Variants in ARHGAP32 observed in about 807,000 individuals in gnomAD.
ARHGAP32 encodes Rho GTPase activating protein 32.
In ARHGAP32, 51 loss-of-function variants were observed where a neutral mutation model predicts 186.5. The ratio of observed to expected loss-of-function variants is 0.27; its 90% CI spans 0.22 to 0.35. The LOEUF (loss-of-function observed/expected upper bound fraction) is 0.35, where lower values mean the gene tolerates loss of function less well. ARHGAP32 is among the 10% of genes least tolerant of loss of function. ARHGAP32 has a pLI of 1.00. For missense variants in ARHGAP32, 2,186 were observed against 2,623.5 expected (o/e 0.83, Z 3.64); for synonymous variants, 950 against 964.3 (o/e 0.99, Z 0.27).
intron 1 of ARHGAP32, among the ~76,000 whole-genome samples, chr11:129,269,828 C>T (rs185272499): frequency 2.5e-4 from 38 of 152,210 alleles, no homozygotes; most frequent in Admixed American, 1.2e-3. Context: ...TACCACACAC[C>T]CATAAGTATG....
In ARHGAP32 at chr11:129,192,077, A is replaced by C. The variant is rs535139281; in HGVS notation, c.116+6T>G. The C allele has an allele frequency of 6.2e-7, 1 of 1,604,236 alleles. No homozygotes were observed. The highest frequency in any genetic ancestry group is 1.7e-5 in the Admixed American group (1 of 59,988). On this transcript the variant is annotated splice_donor_region_variant and intron_variant, in intron 1 of 22. Coordinates refer to ENST00000682385, the MANE Select transcript of ARHGAP32 (RefSeq NM_001378024.1). Reference sequence around the variant, plus strand: ...AGGACAAAGGAACTGTGAATTCCATAATCACCTGAACTTCTCTTCCCTTTC... The same window carrying C: ...AGGACAAAGGAACTGTGAATTCCATCATCACCTGAACTTCTCTTCCCTTTC...
intron 1 of ARHGAP32, among the ~76,000 whole-genome samples, chr11:129,276,014 G>A (rs933120247): frequency 6.6e-6 from 1 of 152,234 alleles, no homozygotes; most frequent in African/African-American, 2.4e-5. Flanking sequence ...CCTTGGCACA[G>A]GCCAGTAGTC....
intron 12 of ARHGAP32, among the ~76,000 whole-genome samples, chr11:128,994,299 C>A (rs1946142261): frequency 6.6e-6 from 1 of 152,022 alleles, no homozygotes; most frequent in African/African-American, 2.4e-5. Flanking sequence ...GGATTACAGG[C>A]ATGCACCACC....
chr11:128,975,583 G>T (rs1945519545), intron 20 of ARHGAP32, among the ~76,000 whole-genome samples: 1 of 151,744 alleles, frequency 6.6e-6, no homozygotes, highest in Non-Finnish European at 1.5e-5. Context: ...TTTTCTTTAA[G>T]AATAGGTTTT....
At chr11:129,145,468 C>A (rs1462337659) in intron 2 of ARHGAP32, among the ~76,000 whole-genome samples, 2 of 142,016 alleles carry the variant, frequency 1.4e-5, no homozygotes, top group Non-Finnish European at 3.2e-5. Context: ...CCATGACACT[C>A]CAAGTAAGAC....
At chr11:129,064,693 A>G in intron 8 of ARHGAP32, 148 bp downstream of exon 8, 2 of 581,918 alleles carry the variant, frequency 3.4e-6, no homozygotes, top group Non-Finnish European at 3.1e-6. Context: ...TATTTCGTGT[A>G]TCACGTATCT....
At chr11:129,045,434 A>G (rs1453941316) in intron 10 of ARHGAP32, among the ~76,000 whole-genome samples, 1 of 152,230 alleles carries the variant, frequency 6.6e-6, no homozygotes, top group Non-Finnish European at 1.5e-5. Flanking sequence ...GAGTCTTTTA[A>G]AAGAGTCAGT....
intron 1 of ARHGAP32, among the ~76,000 whole-genome samples, chr11:129,179,234 C>A (rs1201177928): frequency 1.3e-5 from 2 of 152,158 alleles, no homozygotes; most frequent in African/African-American, 4.8e-5. Context: ...CAAATCAAAA[C>A]CACAGTGAGA....
At chr11:129,028,855 G>C (rs1247448596) in intron 11 of ARHGAP32, among the ~76,000 whole-genome samples, 1 of 152,120 alleles carries the variant, frequency 6.6e-6, no homozygotes, top group Non-Finnish European at 1.5e-5. Context: ...AATGGGGAAG[G>C]CATTTCAGGG....
At chr11:129,191,314 G>A (rs573511198) in intron 1 of ARHGAP32, among the ~76,000 whole-genome samples, 3 of 92,348 alleles carry the variant, frequency 3.2e-5, no homozygotes, top group South Asian at 3.0e-4. Context: ...GTATTACATC[G>A]CTAACTCTGA....
intron 1 of ARHGAP32, among the ~76,000 whole-genome samples, chr11:129,261,358 T>C (rs896013988): frequency 1.3e-5 from 2 of 152,210 alleles, no homozygotes; most frequent in African/African-American, 4.8e-5. Flanking sequence ...AATTTATTTT[T>C]TTCTGCTTTT....
chr11:129,173,483 T>C (rs1032071041), intron 1 of ARHGAP32, among the ~76,000 whole-genome samples: 3 of 152,160 alleles, frequency 2.0e-5, no homozygotes, highest in African/African-American at 4.8e-5. Flanking sequence ...GCCAGCATCA[T>C]CCTGATACCA....
At chr11:129,278,963 G>A (rs1431388641) in intron 1 of ARHGAP32, among the ~76,000 whole-genome samples, 1 of 147,374 alleles carries the variant, frequency 6.8e-6, no homozygotes, top group African/African-American at 2.4e-5. Flanking sequence ...GTCCGCCCCG[G>A]GAGGCCGGGG....
chr11:129,177,747 C>T lies in ARHGAP32; in HGVS notation c.117-13320G>A, dbSNP rs1400513166. Among the ~76,000 whole-genome samples, 3 of 152,142 alleles carry T rather than the reference C, an allele frequency of 2.0e-5. 1 individual carries two copies. The highest frequency in any genetic ancestry group is 7.2e-5 in the African/African-American group (3 of 41,422). On this transcript the variant is annotated intron_variant, in intron 1 of 22. Coordinates refer to ENST00000682385, the MANE Select transcript of ARHGAP32 (RefSeq NM_001378024.1). ...TGACAAAATTCAACAGCCCTTCATG[C>T]TAAAAACTCTCAACAAATTAGGTAT...
At chr11:129,140,902 T>A (rs1043878005) in intron 2 of ARHGAP32, among the ~76,000 whole-genome samples, 1 of 152,168 alleles carries the variant, frequency 6.6e-6, no homozygotes, top group Non-Finnish European at 1.5e-5. Context: ...TCCTTTCCCT[T>A]TCCATGGCAA....
intron 6 of ARHGAP32, among the ~76,000 whole-genome samples, chr11:129,093,086 G>A (rs1170694743): frequency 6.6e-6 from 1 of 151,962 alleles, no homozygotes; most frequent in Non-Finnish European, 1.5e-5. Context: ...ACAAAAACAT[G>A]CACATATCCT....
chr11:129,085,855 G>T (rs779827754), intron 6 of ARHGAP32, among the ~76,000 whole-genome samples: 1 of 151,846 alleles, frequency 6.6e-6, no homozygotes, highest in African/African-American at 2.4e-5. Context: ...TTAGCCAGGC[G>T]TGGTGGCGGG....
intron 6 of ARHGAP32, among the ~76,000 whole-genome samples, chr11:129,089,706 A>G (rs982332535): frequency 6.6e-6 from 1 of 152,206 alleles, no homozygotes; most frequent in Admixed American, 6.5e-5. Flanking sequence ...GATACTAACA[A>G]TATTTGATTT....
intron 1 of ARHGAP32, among the ~76,000 whole-genome samples, chr11:129,240,901 A>C (rs1388502218): frequency 6.6e-6 from 1 of 152,238 alleles, no homozygotes; most frequent in Non-Finnish European, 1.5e-5. Context: ...CAGAGGAAAT[A>C]GAAAGAAAGG....
Sources: allele counts gnomAD v4.1 joint callset (sites outside exome capture counted in the v4.1 genomes callset), GRCh38; gene constraint gnomAD v4.1.1; transcripts MANE v1.5; gene names NCBI Gene and HGNC (gene_info 2026-07-23, HGNC 2026-07-21).